ATAD5: variants seen among roughly 807,000 people sequenced by gnomAD.
ATAD5 encodes ATPase family AAA domain containing 5, also known as ATPase family AAA domain-containing protein 5.
A neutral mutation model predicts 176.9 loss-of-function variants in ATAD5; 58 were observed. That is an observed-to-expected ratio of 0.33 (90% CI 0.27 to 0.41). The LOEUF (loss-of-function observed/expected upper bound fraction) is 0.41. ATAD5 is among the 10% of genes least tolerant of loss of function. ATAD5 has a pLI of 1.00. For synonymous variants in ATAD5, 640 were observed against 712.6 expected, an observed-to-expected ratio of 0.90 and a Z score of 1.62; for missense variants, 1,789 against 2,094.1, an observed-to-expected ratio of 0.85 and a Z score of 2.84.
chr17:30,852,753 C>G (rs1463717425), intron 6 of ATAD5, among the ~76,000 whole-genome samples: 1 of 152,104 alleles, frequency 6.6e-6, no homozygotes. Context: ...CTCTTTTAAA[C>G]AACCATCTCT....
At chr17:30,845,018 C>A in intron 6 of ATAD5, 102 bp downstream of exon 6, 1 of 1,052,972 alleles carries the variant, frequency 9.5e-7, no homozygotes, top group Non-Finnish European at 1.4e-6. Context: ...TCATTTGAAG[C>A]TCTAGTAAGT....
In ATAD5 at chr17:30,852,133, T is replaced by C. The variant is rs140022150; in HGVS notation, c.2451-3010T>C. Reference sequence around the variant, plus strand: ...TGTTAGTTGGCTGCTATAAGAGCTTTTTTGTCTCCTCAGTTTATCTATTTA... The same window carrying C: ...TGTTAGTTGGCTGCTATAAGAGCTTCTTTGTCTCCTCAGTTTATCTATTTA... On this transcript the variant is annotated intron_variant, in intron 6 of 22. Transcript: ENST00000321990. Among the ~76,000 whole-genome samples, 1,217 of 152,350 alleles carry C rather than the reference T, an allele frequency of 8.0e-3. 16 individuals carry two copies. Among genetic ancestry groups the C allele is most frequent in the African/African-American group, 0.028 (1,158 of 41,584 alleles).
In ATAD5 at chr17:30,887,293, C is replaced by T. The variant is rs774168574; in HGVS notation, c.4179C>T (p.Ile1393=). 1.2e-6 allele frequency: 2 copies of T among 1,606,490 alleles called. No individual in the cohort carries two copies. The highest frequency in any genetic ancestry group is 1.7e-5 in the Admixed American group (1 of 58,568). The change falls in exon 19 of 23, where the codon ATC becomes ATT. Residue 1393 remains isoleucine, a synonymous_variant. Transcript: ENST00000321990. ...TGTTAACTGCAAATACTTGTGATAT[C>T]AGAAAAAGTATCCTTTACTTACAAT... ...VTLLTANTCD[I]RKSILYLQFW...
chr17:30,865,611 C>T (rs953411483), intron 10 of ATAD5, 93 bp from the exon 11 acceptor site: 1 of 687,838 alleles, frequency 1.5e-6, no homozygotes, highest in African/African-American at 1.9e-5. Context: ...CAAATACCTA[C>T]TGTGACATTG....
In ATAD5 at chr17:30,895,008, G is replaced by A. The variant is rs549418951; in HGVS notation, c.*95G>A. On this transcript the variant is annotated 3_prime_UTR_variant, in exon 23 of 23. Coordinates refer to ENST00000321990, the MANE Select transcript of ATAD5 (RefSeq NM_024857.5). ...ATCTTCATGGAAAAGTATATTTCTC[G>A]ATGTACATTTTAAACAAACAATTTG... The A allele has an allele frequency of 9.5e-5, 72 of 759,730 alleles. 1 individual carries two copies. The highest frequency in any genetic ancestry group is 8.9e-4 in the African/African-American group (49 of 55,184). The allele number at this position is 759,730 out of a possible 1,614,324, so 47.1% of individuals were successfully genotyped here.
chr17:30,850,811 T>C (rs1264771848), intron 6 of ATAD5, among the ~76,000 whole-genome samples: 1 of 123,104 alleles, frequency 8.1e-6, no homozygotes, highest in Admixed American at 8.5e-5. Flanking sequence ...TTAAAGAAAT[T>C]ATTATTTATA....
chr17:30,867,085 T>G (rs373513644), intron 11 of ATAD5, among the ~76,000 whole-genome samples: 1 of 135,924 alleles, frequency 7.4e-6, no homozygotes, highest in African/African-American at 2.8e-5. Context: ...GTACTGTTCT[T>G]AATTCATTTT....
At chr17:30,857,655 A>G (rs1368146333) in intron 8 of ATAD5, among the ~76,000 whole-genome samples, 1 of 152,214 alleles carries the variant, frequency 6.6e-6, no homozygotes, top group Non-Finnish European at 1.5e-5. Context: ...CTTTATAAGT[A>G]GGTCATATAA....
intron 6 of ATAD5, among the ~76,000 whole-genome samples, chr17:30,845,772 G>A (rs1906459286): frequency 6.6e-6 from 1 of 152,136 alleles, no homozygotes. Flanking sequence ...TAGGAGTCCA[G>A]GTATTGTGAG....
At position 30,837,577 on chromosome 17, in the gene ATAD5, G is replaced by T. The variant is rs537041107; in HGVS notation, c.2076+263G>T. Among the ~76,000 whole-genome samples the T allele has an allele frequency of 2.0e-5, 3 of 152,294 alleles. No individual in the cohort carries two copies. In the South Asian group the frequency reaches 6.2e-4, roughly 32 times the overall value. On this transcript the variant is annotated intron_variant, in intron 3 of 22. Transcript: ENST00000321990. ...AGCTTTCTTAGTGAGTTTACATCGT[G>T]ATCATTTTTCCTAACACTGCCGATC...
intron 18 of ATAD5, among the ~76,000 whole-genome samples, chr17:30,885,640 T>G (rs1174224272): frequency 2.9e-5 from 4 of 138,760 alleles, no homozygotes; most frequent in African/African-American, 1.1e-4. Context: ...TTTTTTTTTT[T>G]TTTTTTTGGT....
At chr17:30,894,328 T>C (rs1232386434) in intron 21 of ATAD5, among the ~76,000 whole-genome samples, 178 bp downstream of exon 21, 1 of 152,108 alleles carries the variant, frequency 6.6e-6, no homozygotes, top group African/African-American at 2.4e-5. Context: ...GGAAGAGAAA[T>C]AATGAGTGAT....
chr17:30,858,157 G>T lies in ATAD5; in HGVS notation c.2794-4G>T. The T allele has an allele frequency of 1.3e-6, 2 of 1,531,300 alleles. No individual in the cohort carries two copies. Among genetic ancestry groups the T allele is most frequent in the Non-Finnish European group, 8.8e-7 (1 of 1,140,320 alleles). The allele number at this position is 1,531,300 out of a possible 1,614,324, so 94.9% of individuals were successfully genotyped here. On this transcript the variant is annotated splice_polypyrimidine_tract_variant and splice_region_variant and intron_variant, in intron 8 of 22. Coordinates refer to ENST00000321990, the MANE Select transcript of ATAD5 (RefSeq NM_024857.5). ...GTTATTGTGCATTTTATTCTTTATT[G>T]CAGTTCATGAGGACAAGGAAGGAAT... is the stretch of plus-strand genomic sequence containing the variant.
At chr17:30,857,634 A>C (rs1164174591) in intron 8 of ATAD5, among the ~76,000 whole-genome samples, 2 of 152,228 alleles carry the variant, frequency 1.3e-5, no homozygotes, top group Non-Finnish European at 2.9e-5. Flanking sequence ...ATTACATAGC[A>C]CATTTAGATA....
chr17:30,833,855 T>C (rs1374919474), intron 1 of ATAD5, among the ~76,000 whole-genome samples: 1 of 152,138 alleles, frequency 6.6e-6, no homozygotes, highest in Non-Finnish European at 1.5e-5. Context: ...TAATTTTTTG[T>C]ATTTTTAGTA....
At chr17:30,869,895 C>A (rs1026496768) in intron 14 of ATAD5, 2 of 402,508 alleles carry the variant, frequency 5.0e-6, no homozygotes, top group East Asian at 5.7e-5. Flanking sequence ...CGTAATCAGA[C>A]CCAACAGAGT....
intron 18 of ATAD5, among the ~76,000 whole-genome samples, chr17:30,884,542 C>T (rs1185587886): frequency 6.7e-6 from 1 of 148,494 alleles, no homozygotes; most frequent in African/African-American, 2.5e-5. Flanking sequence ...AATTCTCTTG[C>T]CTCAGCCTCC....
At position 30,843,943 on chromosome 17, in the gene ATAD5, A is replaced by G. The variant is rs780230150; in HGVS notation, c.2272A>G (p.Thr758Ala). 4 of 1,473,040 alleles carry G rather than the reference A, an allele frequency of 2.7e-6. No individual in the cohort carries two copies. The highest frequency in any genetic ancestry group is 3.7e-6 in the Non-Finnish European group (4 of 1,082,952). 91.2% of individuals were successfully genotyped at this position (1,473,040 alleles called of 1,614,324 possible). ...TGTTATAATAATAGATTCAAGTCCT[A>G]CTGCTTTAAAGCATCCAGAGAAAAA... ...DSVIIIDSSP[T>A]ALKHPEKNQK... The change falls in exon 5 of 23, where the codon ACT (threonine) becomes GCT (alanine). Residue 758 changes from threonine to alanine, a missense_variant. Transcript: ENST00000321990.
intron 6 of ATAD5, among the ~76,000 whole-genome samples, chr17:30,846,358 TATA>T (rs1407631562): frequency 2.0e-5 from 3 of 152,002 alleles, no homozygotes; most frequent in Non-Finnish European, 4.4e-5. Context: ...ATATTGTCCA[TATA>T]ATAATATGTG....
Sources: allele counts gnomAD v4.1 joint callset (sites outside exome capture counted in the v4.1 genomes callset), GRCh38; gene constraint gnomAD v4.1.1; transcripts MANE v1.5; gene names NCBI Gene and HGNC (gene_info 2026-07-23, HGNC 2026-07-21).